NAALADL2: variants seen among roughly 807,000 people sequenced by gnomAD.
NAALADL2 encodes inactive N-acetylated-alpha-linked acidic dipeptidase-like protein 2.
NAALADL2 carries 76 observed loss-of-function variants against 87.2 expected under a neutral mutation model. The ratio of observed to expected loss-of-function variants is 0.87; its 90% CI spans 0.72 to 1.05. The LOEUF (loss-of-function observed/expected upper bound fraction) is 1.05, where lower values mean the gene tolerates loss of function less well. Ranked by LOEUF, NAALADL2 falls within the 50% of genes least tolerant of loss-of-function variation. The pLI is 0.00. For missense variants in NAALADL2, 1,089 were observed against 945.8 expected (o/e 1.15, Z -1.99); for synonymous variants, 354 against 331.0 (o/e 1.07, Z -0.75).
At chr3:175,048,508 A>ATT (rs11346343) in intron 1 of NAALADL2, among the ~76,000 whole-genome samples, 66 of 136,082 alleles carry the variant, frequency 4.9e-4, no homozygotes, top group East Asian at 1.1e-3. Context: ...TTCTAAAACC[A>ATT]TTTTTTTTTT....
intron 3 of NAALADL2, among the ~76,000 whole-genome samples, chr3:175,254,103 A>C (rs1332317907): frequency 6.6e-6 from 1 of 152,194 alleles, no homozygotes; most frequent in East Asian, 1.9e-4. Context: ...AAGAAGTTCT[A>C]TTTTGGGTAA....
At chr3:175,450,582 T>TG in intron 6 of NAALADL2, among the ~76,000 whole-genome samples, 1 of 152,210 alleles carries the variant, frequency 6.6e-6, no homozygotes, top group East Asian at 1.9e-4. Flanking sequence ...AGTGTTAAAG[T>TG]GAGTCATTGT....
chr3:174,569,338 G>C (rs976731145), intron 2 of NAALADL2, among the ~76,000 whole-genome samples: 1 of 151,842 alleles, frequency 6.6e-6, no homozygotes, highest in Non-Finnish European at 1.5e-5. Flanking sequence ...AAAAACTTAA[G>C]CATTATATTA....
chr3:174,478,900 G>A (rs539379137), intron 1 of NAALADL2, among the ~76,000 whole-genome samples: 2 of 152,250 alleles, frequency 1.3e-5, no homozygotes, highest in Admixed American at 6.5e-5. Flanking sequence ...GTAGAGACAA[G>A]GTTTTGCCAT....
chr3:175,047,507 A>T (rs1465502209), intron 1 of NAALADL2, among the ~76,000 whole-genome samples: 1 of 152,196 alleles, frequency 6.6e-6, no homozygotes, highest in Non-Finnish European at 1.5e-5. Flanking sequence ...TTGAGAAATC[A>T]CTTTCCAATA....
intron 2 of NAALADL2, among the ~76,000 whole-genome samples, chr3:175,146,201 C>A (rs560260350): frequency 2.6e-4 from 40 of 151,906 alleles, no homozygotes; most frequent in Non-Finnish European, 5.4e-4. Context: ...TCTTACATAA[C>A]CTTCTTCATA....
Position 175,087,999 on chromosome 3 carries a change from C to T in NAALADL2, c.44-8791C>T, listed in dbSNP as rs376190483. 2.6e-5 allele frequency among the ~76,000 whole-genome samples: 4 copies of T among 151,512 alleles called. No individual in the cohort carries two copies. The East Asian group carries it at 7.8e-4, about 29-fold the overall frequency. On this transcript the variant is annotated intron_variant, in intron 1 of 13. Coordinates refer to ENST00000454872, the MANE Select transcript of NAALADL2 (RefSeq NM_207015.3). Reference sequence around the variant, plus strand: ...TTAGTAATGAATGAACTTCACAATTCTTGGTTTTCTTTCCATTACTGTATT... The same window carrying T: ...TTAGTAATGAATGAACTTCACAATTTTTGGTTTTCTTTCCATTACTGTATT...
rs368250725 is a variant in NAALADL2, at chr3:175,355,222, C to T, written c.1090+30897C>T. Reference sequence around the variant, plus strand: ...CAGCTGGGACTACAGGTGTGCATCACCACACTTGCTTATTTTTGTATTTTA... The same window carrying T: ...CAGCTGGGACTACAGGTGTGCATCATCACACTTGCTTATTTTTGTATTTTA... On this transcript the variant is annotated intron_variant, in intron 5 of 13. Transcript: ENST00000454872. Among the ~76,000 whole-genome samples, 28 of 151,904 alleles carry T rather than the reference C, an allele frequency of 1.8e-4. 1 individual carries two copies. Among genetic ancestry groups the T allele is most frequent in the African/African-American group, 6.8e-4 (28 of 41,440 alleles).
chr3:174,652,900 A>ATT (rs1724516943), intron 2 of NAALADL2, among the ~76,000 whole-genome samples: 1 of 152,194 alleles, frequency 6.6e-6, no homozygotes. Flanking sequence ...AAAAATAGGC[A>ATT]AAAGACTTAA....
At chr3:175,791,427 A>AAGCTT (rs775571978) in intron 13 of NAALADL2, among the ~76,000 whole-genome samples, 4 of 152,176 alleles carry the variant, frequency 2.6e-5, no homozygotes, top group Non-Finnish European at 5.9e-5. Context: ...CATGTGCCCT[A>AAGCTT]AGCTTAGCTA....
At chr3:175,084,313 C>T (rs1280451625) in intron 1 of NAALADL2, among the ~76,000 whole-genome samples, 1 of 152,112 alleles carries the variant, frequency 6.6e-6, no homozygotes, top group Non-Finnish European at 1.5e-5. Flanking sequence ...GCATTGACTG[C>T]TTGTCACTTG....
intron 1 of NAALADL2, among the ~76,000 whole-genome samples, chr3:174,486,403 G>T (rs2108340199): frequency 6.6e-6 from 1 of 152,128 alleles, no homozygotes; most frequent in Non-Finnish European, 1.5e-5. Context: ...CCCCTCGATG[G>T]CTGGGTCCCC....
At chr3:175,169,057 T>C (rs934273678) in intron 2 of NAALADL2, among the ~76,000 whole-genome samples, 2 of 151,816 alleles carry the variant, frequency 1.3e-5, no homozygotes, top group Non-Finnish European at 3.0e-5. Flanking sequence ...CTCAAGTAAA[T>C]TGAATGTGTA....
chr3:175,009,408 A>G (rs1579992332), intron 1 of NAALADL2, among the ~76,000 whole-genome samples: 1 of 152,328 alleles, frequency 6.6e-6, no homozygotes, highest in East Asian at 1.9e-4. Flanking sequence ...ACACGCCACC[A>G]TAAACGAAAG....
intron 1 of NAALADL2, among the ~76,000 whole-genome samples, chr3:175,048,429 G>A (rs999065402): frequency 2.6e-5 from 4 of 151,894 alleles, no homozygotes; most frequent in Admixed American, 2.0e-4. Flanking sequence ...TAATGTTTTC[G>A]GTGTGCTTGC....
At chr3:175,792,087 G>A (rs1318417716) in intron 13 of NAALADL2, among the ~76,000 whole-genome samples, 1 of 152,000 alleles carries the variant, frequency 6.6e-6, no homozygotes, top group Non-Finnish European at 1.5e-5. Context: ...GTAATATGTT[G>A]TTTGTTTTTG....
At chr3:175,604,669 G>C (rs924926265) in intron 10 of NAALADL2, among the ~76,000 whole-genome samples, 20 of 152,046 alleles carry the variant, frequency 1.3e-4, no homozygotes, top group African/African-American at 4.8e-4. Flanking sequence ...TTTTGGGTTT[G>C]TCTAATTTTT....
chr3:174,636,431 A>C (rs1414013499), intron 2 of NAALADL2, among the ~76,000 whole-genome samples: 1 of 152,180 alleles, frequency 6.6e-6, no homozygotes, highest in African/African-American at 2.4e-5. Context: ...AATATCCCAA[A>C]TATACAAGGA....
intron 4 of NAALADL2, among the ~76,000 whole-genome samples, chr3:175,284,228 T>C (rs150663599): frequency 2.3e-4 from 35 of 150,728 alleles, no homozygotes; most frequent in African/African-American, 7.1e-4. Context: ...GCTTTTGTGC[T>C]GGTGTGCATA....
Sources: allele counts gnomAD v4.1 joint callset (sites outside exome capture counted in the v4.1 genomes callset), GRCh38; gene constraint gnomAD v4.1.1; transcripts MANE v1.5; gene names NCBI Gene and HGNC (gene_info 2026-07-23, HGNC 2026-07-21).